ZNF704: variants seen among roughly 807,000 people sequenced by gnomAD.
The protein encoded by ZNF704 is glucocorticoid induced gene 1.
In ZNF704, 10 loss-of-function variants were observed where a neutral mutation model predicts 44.7. The observed-to-expected ratio is 0.22, with a 90% CI of 0.14 to 0.38. ZNF704 has a LOEUF of 0.38. Among genes scored for constraint, ZNF704 ranks in the 10% least tolerant of loss-of-function variants. The pLI is 1.00. For missense variants in ZNF704, 390 were observed against 545.5 expected (o/e 0.71, Z 2.84); for synonymous variants, 211 against 207.6 (o/e 1.02, Z -0.14).
At chr8:80,818,969 T>G (rs796076042) in intron 2 of ZNF704, among the ~76,000 whole-genome samples, 4 of 152,220 alleles carry the variant, frequency 2.6e-5, no homozygotes, top group African/African-American at 9.6e-5. Flanking sequence ...CAATGCTTGA[T>G]TCCCTCATCA....
intron 2 of ZNF704, among the ~76,000 whole-genome samples, chr8:80,725,533 A>G (rs1184997774): frequency 1.3e-5 from 2 of 152,152 alleles, no homozygotes; most frequent in African/African-American, 2.4e-5. Context: ...TTGGAGTCTC[A>G]GATACATAGG....
chr8:80,864,800 A>C (rs1809127311), intron 1 of ZNF704, among the ~76,000 whole-genome samples: 1 of 152,252 alleles, frequency 6.6e-6, no homozygotes, highest in Non-Finnish European at 1.5e-5. Context: ...TAGAGGTAGA[A>C]GGTGACATCA....
chr8:80,672,505 A>G (rs1818298109), intron 4 of ZNF704, among the ~76,000 whole-genome samples: 2 of 152,242 alleles, frequency 1.3e-5, no homozygotes, highest in Non-Finnish European at 1.5e-5. Context: ...TAGCAAAGAC[A>G]TGGAATCAAC....
chr8:80,710,032 G>C (rs1298498130), intron 2 of ZNF704, among the ~76,000 whole-genome samples: 1 of 152,166 alleles, frequency 6.6e-6, no homozygotes, highest in Non-Finnish European at 1.5e-5. Context: ...CTTCCCTGAG[G>C]ACCAGTTGTC....
At chr8:80,703,127 G>C (rs373023038) in intron 2 of ZNF704, among the ~76,000 whole-genome samples, 2 of 152,058 alleles carry the variant, frequency 1.3e-5, no homozygotes, top group African/African-American at 4.8e-5. Flanking sequence ...CTGGTCTCCC[G>C]ACTCTCTACC....
chr8:80,738,572 C>CT (rs60033942), intron 2 of ZNF704, among the ~76,000 whole-genome samples: 26,226 of 147,222 alleles, frequency 0.18, 4,696 homozygotes, highest in African/African-American at 0.46. Flanking sequence ...ACTCCAGAGT[C>CT]TTTTTTTTTT....
At chr8:80,881,795 G>T in the ZNF704 span, among the ~76,000 whole-genome samples, 1 of 152,144 alleles carries the variant, frequency 6.6e-6, no homozygotes, top group African/African-American at 2.4e-5. Flanking sequence ...GGGCATGGTG[G>T]TGGGCACCTG....
At chr8:80,647,075 C>G (rs1175817397) in intron 7 of ZNF704, among the ~76,000 whole-genome samples, 1 of 152,138 alleles carries the variant, frequency 6.6e-6, no homozygotes, top group African/African-American at 2.4e-5. Context: ...TTGCTATGTA[C>G]CAGGCATTGT....
At chr8:80,796,724 G>A (rs1807806822) in intron 2 of ZNF704, among the ~76,000 whole-genome samples, 1 of 152,078 alleles carries the variant, frequency 6.6e-6, no homozygotes, top group African/African-American at 2.4e-5. Context: ...GACTGGGTGT[G>A]GTGGCTCATG....
chr8:80,785,461 G>C (rs1807598047), intron 2 of ZNF704, among the ~76,000 whole-genome samples: 1 of 152,186 alleles, frequency 6.6e-6, no homozygotes, highest in African/African-American at 2.4e-5. Context: ...TGAGGTGGGA[G>C]TATCGACAAA....
intron 2 of ZNF704, among the ~76,000 whole-genome samples, chr8:80,783,679 C>T (rs898429980): frequency 1.3e-5 from 2 of 151,996 alleles, no homozygotes; most frequent in African/African-American, 4.8e-5. Context: ...TCAACCTGTA[C>T]AACCTTTCCC....
In ZNF704 at chr8:80,659,642, A is replaced by G; in HGVS notation, c.975T>C (p.Asn325=). The G allele has an allele frequency of 1.2e-6, 2 of 1,613,992 alleles. No individual in the cohort carries two copies. The highest frequency in any genetic ancestry group is 1.7e-6 in the Non-Finnish European group (2 of 1,179,934). The change falls in exon 7 of 9, where the codon AAT becomes AAC. Residue 325 remains asparagine (N), a synonymous_variant. Transcript: ENST00000327835. The stretch of plus-strand genomic sequence containing the variant: ...GCCAGGAAATGCTGAAGCTGCTGCC[A>G]TTGGGGGTGAACTTGGCCGATCCTG... ...TIPGSAKFTP[N]GSSFSISWQS...
intron 2 of ZNF704, among the ~76,000 whole-genome samples, chr8:80,713,108 G>T (rs1257025633): frequency 6.6e-6 from 1 of 151,992 alleles, no homozygotes; most frequent in East Asian, 1.9e-4. Context: ...TTTTGGTCAG[G>T]CTGGTCTCCA....
chr8:80,785,761 T>C (rs921590058), intron 2 of ZNF704, among the ~76,000 whole-genome samples: 3 of 152,188 alleles, frequency 2.0e-5, no homozygotes, highest in Admixed American at 6.5e-5. Flanking sequence ...GCTCATCCTG[T>C]ATATTTCCTG....
At chr8:80,812,729 C>T (rs1455011226) in intron 2 of ZNF704, 1 of 152,094 alleles carries the variant, frequency 6.6e-6, no homozygotes, top group Non-Finnish European at 1.5e-5. Context: ...GTCTCTTTTT[C>T]CTATTTTTAA....
At chr8:80,669,491 G>A (rs1041926475) in intron 5 of ZNF704, among the ~76,000 whole-genome samples, 3 of 152,236 alleles carry the variant, frequency 2.0e-5, no homozygotes, top group Middle Eastern at 3.2e-3. Context: ...TGGATGATTA[G>A]AGAGCTAGAT....
At chr8:80,664,348 C>T (rs922419520) in intron 6 of ZNF704, among the ~76,000 whole-genome samples, 4 of 151,358 alleles carry the variant, frequency 2.6e-5, no homozygotes, top group Non-Finnish European at 4.4e-5. Flanking sequence ...CTCGGCTCAC[C>T]GCAACCTCTG....
intron 2 of ZNF704, among the ~76,000 whole-genome samples, chr8:80,816,174 T>C (rs1195148949): frequency 1.3e-5 from 2 of 152,204 alleles, no homozygotes; most frequent in Non-Finnish European, 2.9e-5. Context: ...TGTGGTGGCT[T>C]CCTGATTGGT....
chr8:80,670,523 G>A lies in ZNF704; in HGVS notation c.639C>T (p.His213=). The change falls in exon 5 of 9, where the codon CAC becomes CAT. Residue 213 remains histidine (H), a synonymous_variant. Transcript: ENST00000327835. ...VLSTAAGIQK[H]IRTIHLGRVG... ...CTTACCCCAGATGGATGGTTCGGATGTGTTTCTGGATACCTGCTGCAGTGC... is the reference window on the plus strand; with the variant it reads ...CTTACCCCAGATGGATGGTTCGGATATGTTTCTGGATACCTGCTGCAGTGC... 4 of 1,613,980 alleles carry A rather than the reference G, an allele frequency of 2.5e-6. No individual in the cohort carries two copies. The highest frequency in any genetic ancestry group is 3.4e-6 in the Non-Finnish European group (4 of 1,179,914).
Sources: gnomAD v4.1 joint callset for allele counts (sites outside exome capture counted in the v4.1 genomes callset) on GRCh38, gnomAD v4.1.1 for gene constraint, MANE v1.5 for transcripts, NCBI Gene and HGNC (gene_info 2026-07-23, HGNC 2026-07-21) for gene names.